Variants in CDKAL1 observed in about 807,000 individuals in gnomAD.
CDKAL1 encodes the protein CDKAL1 threonylcarbamoyladenosine tRNA methylthiotransferase.
In CDKAL1, 32 loss-of-function variants were observed where a neutral mutation model predicts 68.2. The observed-to-expected ratio is 0.47, with a 90% CI of 0.35 to 0.63. The LOEUF is 0.63. Ranked by LOEUF, CDKAL1 falls within the 30% of genes least tolerant of loss-of-function variation. CDKAL1 has a pLI of 0.00. For missense variants in CDKAL1, 606 were observed against 696.7 expected (o/e 0.87, Z 1.47); for synonymous variants, 234 against 244.3 (o/e 0.96, Z 0.39).
intron 5 of CDKAL1, among the ~76,000 whole-genome samples, chr6:20,701,199 A>C (rs564491160): frequency 6.6e-6 from 1 of 151,232 alleles, no homozygotes; most frequent in Non-Finnish European, 1.5e-5. Context: ...GGAAAGCTGC[A>C]GTTTAGAAAG....
chr6:20,743,181 G>A (rs776578462), intron 6 of CDKAL1, among the ~76,000 whole-genome samples: 1 of 152,168 alleles, frequency 6.6e-6, no homozygotes, highest in Non-Finnish European at 1.5e-5. Context: ...TGTATTGCAC[G>A]ATTGAGTAAA....
At chr6:20,590,948 G>A (rs954711411) in intron 4 of CDKAL1, among the ~76,000 whole-genome samples, 64 of 152,212 alleles carry the variant, frequency 4.2e-4, no homozygotes, top group African/African-American at 1.5e-3. Context: ...CTCCACAATG[G>A]TTGAACTAAT....
intron 9 of CDKAL1, among the ~76,000 whole-genome samples, chr6:20,921,617 C>T (rs1356575665): frequency 2.6e-5 from 4 of 152,104 alleles, no homozygotes; most frequent in South Asian, 2.1e-4. Flanking sequence ...TAGAATGGTC[C>T]TGTGGTGCAT....
intron 4 of CDKAL1, among the ~76,000 whole-genome samples, chr6:20,616,819 A>G (rs990219160): frequency 4.9e-5 from 7 of 143,384 alleles, no homozygotes; most frequent in African/African-American, 1.8e-4. Flanking sequence ...CCTGGACAGC[A>G]TGGCGAAACC....
chr6:21,143,870 T>TG (rs1366145453), intron 13 of CDKAL1, among the ~76,000 whole-genome samples: 1 of 152,124 alleles, frequency 6.6e-6, no homozygotes, highest in African/African-American at 2.4e-5. Flanking sequence ...GAATACCCGG[T>TG]GACAGCCTGT....
chr6:20,848,276 G>GTTGTTTTTTTGGT (rs1778450215), intron 9 of CDKAL1, among the ~76,000 whole-genome samples: 1 of 10,780 alleles, frequency 9.3e-5, no homozygotes, highest in Non-Finnish European at 1.8e-4. Flanking sequence ...TTGCTGGAAA[G>GTTGTTTTTTTGGT]TTGTTTTTTT....
chr6:20,970,778 C>G (rs1765554295), intron 10 of CDKAL1, among the ~76,000 whole-genome samples: 2 of 152,186 alleles, frequency 1.3e-5, no homozygotes, highest in Non-Finnish European at 2.9e-5. Context: ...GGATACCACA[C>G]AAGAAATAAT....
intron 6 of CDKAL1, among the ~76,000 whole-genome samples, chr6:20,745,396 G>A (rs553557581): frequency 1.3e-5 from 2 of 152,090 alleles, no homozygotes; most frequent in Non-Finnish European, 2.9e-5. Flanking sequence ...CTTGAGGAAC[G>A]CTCTCCTTCT....
intron 11 of CDKAL1, among the ~76,000 whole-genome samples, chr6:21,052,537 G>GTT (rs66607398): frequency 1.5e-3 from 195 of 128,360 alleles, no homozygotes; most frequent in Admixed American, 2.1e-3. Context: ...TTAATTGGTT[G>GTT]TTTTTTTTTT....
chr6:20,929,337 C>A (rs1383621469), intron 9 of CDKAL1, among the ~76,000 whole-genome samples: 1 of 152,116 alleles, frequency 6.6e-6, no homozygotes, highest in Non-Finnish European at 1.5e-5. Context: ...AAAGATTAAC[C>A]TTGGGGGCAA....
intron 13 of CDKAL1, among the ~76,000 whole-genome samples, chr6:21,119,645 T>C (rs1774601506): frequency 6.6e-6 from 1 of 152,218 alleles, no homozygotes; most frequent in Non-Finnish European, 1.5e-5. Flanking sequence ...CCATGTTTGT[T>C]GATGATCTTC....
chr6:20,942,870 G>A (rs1255342428), intron 9 of CDKAL1, among the ~76,000 whole-genome samples: 13 of 146,494 alleles, frequency 8.9e-5, no homozygotes, highest in Admixed American at 3.4e-4. Context: ...CAGGAGAATC[G>A]CTTGAACCAG....
intron 9 of CDKAL1, among the ~76,000 whole-genome samples, chr6:20,895,741 GA>G (rs1761646024): frequency 2.0e-5 from 3 of 152,244 alleles, no homozygotes; most frequent in Admixed American, 6.5e-5. Flanking sequence ...ATCATTCCTG[GA>G]AAGAAAGGGA....
At chr6:21,061,023 G>A (rs933895515) in intron 11 of CDKAL1, among the ~76,000 whole-genome samples, 2 of 152,106 alleles carry the variant, frequency 1.3e-5, no homozygotes, top group African/African-American at 4.8e-5. Flanking sequence ...CAAATGGCAA[G>A]TAAAAATCTT....
At chr6:21,093,234 C>G (rs1284841097) in intron 12 of CDKAL1, among the ~76,000 whole-genome samples, 1 of 152,160 alleles carries the variant, frequency 6.6e-6, no homozygotes, top group Non-Finnish European at 1.5e-5. Context: ...TTCAAACTTA[C>G]CAACAGCACC....
chr6:20,622,215 C>T (rs765135373), intron 4 of CDKAL1, among the ~76,000 whole-genome samples: 5 of 151,858 alleles, frequency 3.3e-5, no homozygotes, highest in African/African-American at 7.3e-5. Context: ...TCAGTTGTGT[C>T]GTATAAGGAC....
chr6:20,561,349 TGA>T (rs1764257818), intron 4 of CDKAL1, among the ~76,000 whole-genome samples: 2 of 145,294 alleles, frequency 1.4e-5, no homozygotes, highest in Admixed American at 7.4e-5. Context: ...GGCTGAGGCA[TGA>T]GAATCGCTTG....
At chr6:20,980,883 C>T (rs1480407303) in intron 10 of CDKAL1, among the ~76,000 whole-genome samples, 1 of 152,168 alleles carries the variant, frequency 6.6e-6, no homozygotes, top group Non-Finnish European at 1.5e-5. Context: ...CCGCTTTGTT[C>T]CCTCCAGGTC....
intron 9 of CDKAL1, among the ~76,000 whole-genome samples, chr6:20,879,580 C>CT (rs955337530): frequency 1.4e-4 from 22 of 152,168 alleles, no homozygotes; most frequent in African/African-American, 3.4e-4. Context: ...GTCAGGCTGA[C>CT]TGTTGTCTCT....
Sources: gnomAD v4.1 joint callset for allele counts (sites outside exome capture counted in the v4.1 genomes callset) on GRCh38, gnomAD v4.1.1 for gene constraint, MANE v1.5 for transcripts, NCBI Gene and HGNC (gene_info 2026-07-23, HGNC 2026-07-21) for gene names.